Variants in RNF112 observed in about 807,000 individuals in gnomAD.
The protein encoded by RNF112 is brain finger protein.
In RNF112, 34 loss-of-function variants were observed where a neutral mutation model predicts 64.7. The observed-to-expected ratio is 0.53, with a 90% CI of 0.40 to 0.70. The LOEUF is 0.70. Ranked by LOEUF, RNF112 falls within the 30% of genes least tolerant of loss-of-function variation. The pLI is 0.00. For synonymous variants in RNF112, 345 were observed against 344.5 expected, an observed-to-expected ratio of 1.00 and a Z score of -0.02; for missense variants, 734 against 850.0, an observed-to-expected ratio of 0.86 and a Z score of 1.70.
Position 19,415,719 on chromosome 17 carries a change from G to T in RNF112, c.1440G>T (p.Lys480Asn). The change falls in exon 14 of 14, where the codon AAG (lysine) becomes AAT (asparagine). Residue 480 changes from lysine (K) to asparagine (N), a missense_variant. Transcript: ENST00000461366. This position sits in a 1 kb window ranked among gnomAD's most constrained non-coding sequence, Gnocchi z 7.8. ...EYVRQQDVAT[K>N]RIFSALRVLP... ...CCCTGTCACAGGACGTAGCCACCAA[G>T]CGCATATTCTCTGCGCTGCGGGTCC... 1.2e-6 allele frequency: 2 copies of T among 1,610,218 alleles called. No homozygotes were observed. The highest frequency in any genetic ancestry group is 1.1e-5 in the South Asian group (1 of 90,750).
Position 19,412,097 on chromosome 17 carries a change from G to A in RNF112, c.96-401G>A, listed in dbSNP as rs1377095725. Among the ~76,000 whole-genome samples, 4 of 152,202 alleles carry A rather than the reference G, an allele frequency of 2.6e-5. No homozygotes were observed. The highest frequency in any genetic ancestry group is 1.9e-4 in the East Asian group (1 of 5,188). On this transcript the variant is annotated intron_variant, in intron 2 of 13. Coordinates refer to ENST00000461366, the MANE Select transcript of RNF112 (RefSeq NM_007148.5). This position sits in a 1 kb window ranked among gnomAD's most constrained non-coding sequence, Gnocchi z 5.1. Reference sequence around the variant, plus strand: ...CAGACAGCTGCACACGCCTCCTCTCGGATGGCCACCCCAACGGCCCCATGA... The same window carrying A: ...CAGACAGCTGCACACGCCTCCTCTCAGATGGCCACCCCAACGGCCCCATGA...
rs1295329 is a variant in RNF112, at chr17:19,415,702, C to T, written c.1426-3C>T. ...GCACCTTCTTTTCCCCTCCCTGTCA[C>T]AGGACGTAGCCACCAAGCGCATATT... On this transcript the variant is annotated splice_polypyrimidine_tract_variant and splice_region_variant and intron_variant, in intron 13 of 13. Transcript: ENST00000461366. This position sits in a 1 kb window ranked among gnomAD's most constrained non-coding sequence, Gnocchi z 7.8. 0.62 allele frequency: 995,505 copies of T among 1,603,666 alleles called. 329,944 individuals are homozygous for T. The highest frequency in any genetic ancestry group is 0.71 in the Middle Eastern group (4,260 of 6,024).
At position 19,413,055 on chromosome 17, in the gene RNF112, A is replaced by G. The variant is rs1913722620; in HGVS notation, c.499A>G (p.Thr167Ala). 2.5e-6 allele frequency: 4 copies of G among 1,612,658 alleles called. No individual in the cohort carries two copies. Among genetic ancestry groups the G allele is most frequent in the Non-Finnish European group, 3.4e-6 (4 of 1,179,708 alleles). ...RCLKHPLARD[T>A]PVCLLAVLGE... Reference sequence around the variant, plus strand: ...CCTGAAGCACCCTCTGGCCAGGGACACCCCAGTCTGCCTCCTCGCTGTCCT... The same window carrying G: ...CCTGAAGCACCCTCTGGCCAGGGACGCCCCAGTCTGCCTCCTCGCTGTCCT... The change falls in exon 4 of 14, where the codon ACC (threonine) becomes GCC (alanine). Residue 167 changes from threonine to alanine, a missense_variant. Physicochemically the swap from Thr to Ala is moderately conservative, Grantham distance 58. Transcript: ENST00000461366. This position sits in a 1 kb window ranked among gnomAD's most constrained non-coding sequence, Gnocchi z 5.9.
At position 19,411,660 on chromosome 17, in the gene RNF112, G is replaced by A. The variant is rs1459186084; in HGVS notation, c.85G>A (p.Gly29Ser). The A allele has an allele frequency of 7.0e-6, 11 of 1,574,664 alleles. No individual in the cohort carries two copies. The highest frequency in any genetic ancestry group is 3.7e-5 in the Admixed American group (2 of 53,848). ...ERKQSFMGNS[G>S]NSWSHTPFPK... ...AAAACAGAGCTTCATGGGAAACAGC[G>A]GCAACAGTTGGTAAGTAGCAGGGCC... Residue 29 changes from glycine (G) to serine (S), a missense_variant, in exon 2 of 14, where the codon GGC (glycine) becomes AGC (serine). Coordinates refer to ENST00000461366, the MANE Select transcript of RNF112 (RefSeq NM_007148.5).
At position 19,413,056 on chromosome 17, in the gene RNF112, C is replaced by T. The variant is rs1298513864; in HGVS notation, c.500C>T (p.Thr167Ile). 6.2e-7 allele frequency: 1 copy of T among 1,613,188 alleles called. No individual in the cohort carries two copies. Reference protein sequence around the residue: ...RCLKHPLARDTPVCLLAVLGE... With the variant: ...RCLKHPLARDIPVCLLAVLGE... ...CTGAAGCACCCTCTGGCCAGGGACA[C>T]CCCAGTCTGCCTCCTCGCTGTCCTG... The change falls in exon 4 of 14, where the codon ACC becomes ATC. Residue 167 changes from threonine (T) to isoleucine (I), a missense_variant. Thr to Ile is a moderately conservative substitution (Grantham distance 89). Transcript: ENST00000461366. The surrounding 1 kb of genome is among the most constrained non-coding windows in gnomAD (Gnocchi z 5.9).
chr17:19,412,665 G>C lies in RNF112; in HGVS notation c.263G>C (p.Gly88Ala), dbSNP rs1403669939. 6.2e-7 allele frequency: 1 copy of C among 1,613,372 alleles called. No individual in the cohort carries two copies. The highest frequency in any genetic ancestry group is 2.2e-5 in the East Asian group (1 of 44,834). Residue 88 changes from glycine to alanine, a missense_variant, in exon 3 of 14, where the codon GGC becomes GCC. Coordinates refer to ENST00000461366, the MANE Select transcript of RNF112 (RefSeq NM_007148.5). The surrounding 1 kb of genome is among the most constrained non-coding windows in gnomAD (Gnocchi z 5.1). ...TGCTTCAGCACACACCGTCTCCCGGGCTGTGAGCCGCCCTGCTGTCCTGAG... is the reference window on the plus strand; with the variant it reads ...TGCTTCAGCACACACCGTCTCCCGGCCTGTGAGCCGCCCTGCTGTCCTGAG... ...IRCFSTHRLP[G>A]CEPPCCPECR...
In RNF112 at chr17:19,411,412, C is replaced by A. The variant is rs1473720538; in HGVS notation, c.4C>A (p.Pro2Thr). Reference protein sequence around the residue: MPRPALSVTSFC... With the variant: MTRPALSVTSFC... ...CCTCTCCCCATCCCAGCCTCCCATG[C>A]CAAGGCCCGCCTTGTCAGTCACTTC... The change falls in exon 1 of 14, where the codon CCA (proline) becomes ACA (threonine). Residue 2 changes from proline (P) to threonine (T), a missense_variant. Coordinates refer to ENST00000461366, the MANE Select transcript of RNF112 (RefSeq NM_007148.5). 1 of 1,611,958 alleles carries A rather than the reference C, an allele frequency of 6.2e-7. No homozygotes were observed. Among genetic ancestry groups the A allele is most frequent in the Non-Finnish European group, 8.5e-7 (1 of 1,179,632 alleles).
chr17:19,413,968 C>A lies in RNF112; in HGVS notation c.826-127C>A. On this transcript the variant is annotated intron_variant, in intron 6 of 13. Coordinates refer to ENST00000461366, the MANE Select transcript of RNF112 (RefSeq NM_007148.5). The surrounding 1 kb of genome is among the most constrained non-coding windows in gnomAD (Gnocchi z 5.9). Reference sequence around the variant, plus strand: ...CCAGCCCTGCAGCCTTCGAGGCCCCCATACTGGCCTCTCCCATACTCTGAG... The same window carrying A: ...CCAGCCCTGCAGCCTTCGAGGCCCCAATACTGGCCTCTCCCATACTCTGAG... The A allele has an allele frequency of 4.0e-6, 3 of 754,000 alleles. No homozygotes were observed. Among genetic ancestry groups the A allele is most frequent in the South Asian group, 1.9e-5 (1 of 53,674 alleles). The allele number at this position is 754,000 out of a possible 1,614,324, so 46.7% of individuals were successfully genotyped here.
At position 19,412,981 on chromosome 17, in the gene RNF112, T is replaced by C. The variant is rs781642740; in HGVS notation, c.425T>C (p.Ile142Thr). The change falls in exon 4 of 14, where the codon ATC (isoleucine) becomes ACC (threonine). Residue 142 changes from isoleucine (I) to threonine (T), a missense_variant. Ile to Thr is a moderately conservative substitution (Grantham distance 89, BLOSUM62 -1). Coordinates refer to ENST00000461366, the MANE Select transcript of RNF112 (RefSeq NM_007148.5). This position sits in a 1 kb window ranked among gnomAD's most constrained non-coding sequence, Gnocchi z 5.1. ...VRAEPLLLVRINASGGLILRM... is the reference protein window; with the variant it reads ...VRAEPLLLVRTNASGGLILRM... ...GCGGAGCCGCTGCTGCTGGTTCGCATCAATGCCTCTGGGGGCCTCATCCTT... is the reference window on the plus strand; with the variant it reads ...GCGGAGCCGCTGCTGCTGGTTCGCACCAATGCCTCTGGGGGCCTCATCCTT... 7.0e-5 allele frequency: 113 copies of C among 1,608,370 alleles called. No individual in the cohort carries two copies. Among genetic ancestry groups the C allele is most frequent in the Non-Finnish European group, 9.3e-5 (110 of 1,177,720 alleles).
At position 19,415,707 on chromosome 17, in the gene RNF112, C is replaced by T. The variant is rs748912093; in HGVS notation, c.1428C>T (p.Asp476=). The stretch of plus-strand genomic sequence containing the variant: ...TTCTTTTCCCCTCCCTGTCACAGGA[C>T]GTAGCCACCAAGCGCATATTCTCTG... ...REFEEYVRQQ[D]VATKRIFSAL... The change falls in exon 14 of 14, where the codon GAC becomes GAT. Residue 476 remains aspartate (D), a splice_region_variant and synonymous_variant. Transcript: ENST00000461366. This position sits in a 1 kb window ranked among gnomAD's most constrained non-coding sequence, Gnocchi z 7.8. 2.2e-5 allele frequency: 35 copies of T among 1,606,306 alleles called. No individual in the cohort carries two copies. The highest frequency in any genetic ancestry group is 4.5e-5 in the East Asian group (2 of 44,776).
rs1913690650 is a variant in RNF112 at position 19,412,391 on chromosome 17, C to G, written c.96-107C>G. 1 of 1,265,258 alleles carries G rather than the reference C, an allele frequency of 7.9e-7. No homozygotes were observed. The highest frequency in any genetic ancestry group is 1.1e-6 in the Non-Finnish European group (1 of 924,488). The allele number at this position is 1,265,258 out of a possible 1,614,324, so 78.4% of individuals were successfully genotyped here. A position where few individuals can be genotyped will look rare whatever the true frequency, so the allele number is the denominator to read the frequency against. ...GGCACTGATGGAAATTGGGTTGGCACAAAGGGACCTCCACTCCCAAGCCAT... is the reference window on the plus strand; with the variant it reads ...GGCACTGATGGAAATTGGGTTGGCAGAAAGGGACCTCCACTCCCAAGCCAT... On this transcript the variant is annotated intron_variant, in intron 2 of 13. Transcript: ENST00000461366. This position sits in a 1 kb window ranked among gnomAD's most constrained non-coding sequence, Gnocchi z 5.1.
intron 7 of RNF112, 148 bp downstream of exon 7, chr17:19,414,293 GA>G: frequency 1.8e-6 from 2 of 1,119,980 alleles, no homozygotes; most frequent in Admixed American, 3.9e-5. Context: ...AGTAAAGCAA[GA>G]GATGTGTGGT....
intron 7 of RNF112, 47 bp downstream of exon 7, chr17:19,414,192 C>T: frequency 6.5e-7 from 1 of 1,550,136 alleles, no homozygotes; most frequent in Non-Finnish European, 8.9e-7. Context: ...CCACCCTCCC[C>T]ACTAGGGCTG....
In RNF112 at chr17:19,415,662, G is replaced by A; in HGVS notation, c.1426-43G>A. 6.2e-7 allele frequency: 1 copy of A among 1,601,122 alleles called. No individual in the cohort carries two copies. Among genetic ancestry groups the A allele is most frequent in the Non-Finnish European group, 8.5e-7 (1 of 1,172,754 alleles). ...GTCCAGATCAGGGAGAGGATACCTG[G>A]GACTCCTGGTCAGGGCACCTTCTTT... On this transcript the variant is annotated intron_variant, in intron 13 of 13. Coordinates refer to ENST00000461366, the MANE Select transcript of RNF112 (RefSeq NM_007148.5). This position sits in a 1 kb window ranked among gnomAD's most constrained non-coding sequence, Gnocchi z 7.8.
At position 19,415,173 on chromosome 17, in the gene RNF112, T is replaced by C; in HGVS notation, c.1262T>C (p.Leu421Pro). 6.2e-7 allele frequency: 1 copy of C among 1,607,656 alleles called. No individual in the cohort carries two copies. The highest frequency in any genetic ancestry group is 8.5e-7 in the Non-Finnish European group (1 of 1,178,444). ...GRAVARGDRRLLTGQQLAQEI... is the reference protein window; with the variant it reads ...GRAVARGDRRPLTGQQLAQEI... The stretch of plus-strand genomic sequence containing the variant: ...GCCGTGGCCAGGGGGGACAGACGCC[T>C]ACTCACGGGGCAGCAGCTAGCTCAG... Residue 421 changes from leucine (L) to proline (P), a missense_variant, in exon 11 of 14, where the codon CTA becomes CCA. Physicochemically the swap from Leu to Pro is moderately conservative, Grantham distance 98. Transcript: ENST00000461366. The surrounding 1 kb of genome is among the most constrained non-coding windows in gnomAD (Gnocchi z 7.8).
In RNF112 at chr17:19,413,689, G is replaced by T; in HGVS notation, c.825+8G>T. On this transcript the variant is annotated splice_region_variant and intron_variant, in intron 6 of 13. Coordinates refer to ENST00000461366, the MANE Select transcript of RNF112 (RefSeq NM_007148.5). The surrounding 1 kb of genome is among the most constrained non-coding windows in gnomAD (Gnocchi z 5.9). ...ATGCTGAGCTCCTACCAGGTGATGG[G>T]GGGCGCTGATGTTGGCATCCCCACC... 2.5e-6 allele frequency: 4 copies of T among 1,594,316 alleles called. No individual in the cohort carries two copies. The highest frequency in any genetic ancestry group is 2.3e-5 in the East Asian group (1 of 44,274).
chr17:19,415,241 G>T lies in RNF112; in HGVS notation c.1296+34G>T. ...ACTCCCTGGAGACCCAGGCGACTCG[G>T]CTGGGCCCCTGCTCTCCCTGACCCC... On this transcript the variant is annotated intron_variant, in intron 11 of 13. Coordinates refer to ENST00000461366, the MANE Select transcript of RNF112 (RefSeq NM_007148.5). This position sits in a 1 kb window ranked among gnomAD's most constrained non-coding sequence, Gnocchi z 7.8. The T allele has an allele frequency of 1.3e-6, 2 of 1,597,676 alleles. No homozygotes were observed. Among genetic ancestry groups the T allele is most frequent in the Non-Finnish European group, 1.7e-6 (2 of 1,175,776 alleles).
Position 19,415,303 on chromosome 17 carries a change from G to C in RNF112, c.1314G>C (p.Met438Ile), listed in dbSNP as rs942759074. 1 of 1,609,662 alleles carries C rather than the reference G, an allele frequency of 6.2e-7. No individual in the cohort carries two copies. Residue 438 changes from methionine (M) to isoleucine (I), a missense_variant, in exon 12 of 14, where the codon ATG (methionine) becomes ATC (isoleucine). Physicochemically the swap from Met to Ile is conservative, Grantham distance 10. Transcript: ENST00000461366. This position sits in a 1 kb window ranked among gnomAD's most constrained non-coding sequence, Gnocchi z 7.8. ...AQEIKNLSGW[M>I]GRTGPGFTSP... Reference sequence around the variant, plus strand: ...CTCCGCAGAACCTCTCAGGATGGATGGGGAGGACAGGGCCCGGTTTCACCT... The same window carrying C: ...CTCCGCAGAACCTCTCAGGATGGATCGGGAGGACAGGGCCCGGTTTCACCT...
chr17:19,417,161 C>CTGA lies in RNF112; in HGVS notation c.*987_*989dup, dbSNP rs1473940170. 6.6e-6 allele frequency: 1 copy of CTGA among 152,204 alleles called. No homozygotes were observed. The highest frequency in any genetic ancestry group is 1.5e-5 in the Non-Finnish European group (1 of 68,042). 9.4% of individuals were successfully genotyped at this position (152,204 alleles called of 1,614,324 possible). A position where few individuals can be genotyped will look rare whatever the true frequency, so the allele number is the denominator to read the frequency against. ...GTTCTCCCTCTGGGGGACAGAAAATCTGACTACTAGGAAGACTTCTAGGCT... is the reference window on the plus strand; with the variant it reads ...GTTCTCCCTCTGGGGGACAGAAAATCTGATGACTACTAGGAAGACTTCTAGGCT... On this transcript the variant is annotated 3_prime_UTR_variant, in exon 14 of 14. Transcript: ENST00000461366.
Sources: allele counts gnomAD v4.1 joint callset (sites outside exome capture counted in the v4.1 genomes callset), GRCh38; gene constraint gnomAD v4.1.1; non-coding constraint Gnocchi (gnomAD v3.1); transcripts MANE v1.5; gene names NCBI Gene and HGNC (gene_info 2026-07-23, HGNC 2026-07-21).